Variants in ZNF532 observed in about 807,000 individuals in gnomAD.
ZNF532 encodes zinc finger protein 532.
Under a neutral mutation model 89.3 loss-of-function variants are expected in ZNF532, and 22 were observed. The observed-to-expected ratio is 0.25, with a 90% CI of 0.18 to 0.35. The LOEUF (loss-of-function observed/expected upper bound fraction) is 0.35. Ranked by LOEUF, ZNF532 falls within the 10% of genes least tolerant of loss-of-function variation. The pLI, the probability that ZNF532 is intolerant of heterozygous loss-of-function variation, is 1.00. For missense variants in ZNF532, 1,132 were observed against 1,643.4 expected, an observed-to-expected ratio of 0.69 and a Z score of 5.38; for synonymous variants, 606 against 649.6, an observed-to-expected ratio of 0.93 and a Z score of 1.02.
chr18:58,977,952 GC>G (rs1487704345), intron 7 of ZNF532, among the ~76,000 whole-genome samples: 1 of 152,164 alleles, frequency 6.6e-6, no homozygotes, highest in Non-Finnish European at 1.5e-5. Context: ...TGAGTTTAGA[GC>G]CAGATTTTGT....
intron 5 of ZNF532, among the ~76,000 whole-genome samples, chr18:58,944,551 T>C (rs1380679032): frequency 6.6e-6 from 1 of 152,138 alleles, no homozygotes; most frequent in East Asian, 1.9e-4. Context: ...GTTCTCACTG[T>C]TTCCTAGCAC....
In ZNF532 at chr18:58,986,301, C is replaced by G. The variant is rs1227233525; in HGVS notation, c.*1835C>G. 6.6e-6 allele frequency: 1 copy of G among 152,628 alleles called. No individual in the cohort carries two copies. Among genetic ancestry groups the G allele is most frequent in the Non-Finnish European group, 1.5e-5 (1 of 68,044 alleles). 9.5% of individuals were successfully genotyped at this position (152,628 alleles called of 1,614,324 possible). A position where few individuals can be genotyped will look rare whatever the true frequency, so the allele number is the denominator to read the frequency against. On this transcript the variant is annotated 3_prime_UTR_variant, in exon 10 of 10. Transcript: ENST00000591808. ...CATAGGTCCGAATAACCTAGTTTTA[C>G]AGTTGAGGGAGCTGAGCTCAGATTC...
intron 2 of ZNF532, among the ~76,000 whole-genome samples, chr18:58,917,606 C>T (rs991405794): frequency 6.6e-6 from 1 of 152,134 alleles, no homozygotes; most frequent in Non-Finnish European, 1.5e-5. Flanking sequence ...TTTTCTAAAA[C>T]TCTCCATCCT....
intron 3 of ZNF532, among the ~76,000 whole-genome samples, chr18:58,921,641 G>A (rs548744963): frequency 4.9e-4 from 75 of 152,198 alleles, no homozygotes; most frequent in Non-Finnish European, 1.0e-3. Context: ...ATTTCACAGT[G>A]GGCATCAATC....
At chr18:58,883,801 A>G (rs1178010411) in intron 2 of ZNF532, among the ~76,000 whole-genome samples, 2 of 152,272 alleles carry the variant, frequency 1.3e-5, no homozygotes, top group Admixed American at 1.3e-4. Context: ...AGAACAACCA[A>G]AATGTCTCTG....
rs2068394175 is a variant in ZNF532, at chr18:58,986,434, A to G, written c.*1968A>G. On this transcript the variant is annotated 3_prime_UTR_variant, in exon 10 of 10. Transcript: ENST00000591808. Reference sequence around the variant, plus strand: ...GCTCTATGTGGTTATGTACATATTGACAAATATTCATTTATTCAACAAATA... The same window carrying G: ...GCTCTATGTGGTTATGTACATATTGGCAAATATTCATTTATTCAACAAATA... 6.5e-6 allele frequency: 1 copy of G among 152,694 alleles called. No individual in the cohort carries two copies. The highest frequency in any genetic ancestry group is 1.5e-5 in the Non-Finnish European group (1 of 68,050). 9.5% of individuals were successfully genotyped at this position (152,694 alleles called of 1,614,324 possible). A position where few individuals can be genotyped will look rare whatever the true frequency, so the allele number is the denominator to read the frequency against.
At position 58,901,206 on chromosome 18, in the gene ZNF532, C is replaced by T. The variant is rs900522986; in HGVS notation, c.-17-17065C>T. Among the ~76,000 whole-genome samples the T allele has an allele frequency of 3.3e-5, 5 of 152,136 alleles. 1 individual carries two copies. The highest frequency in any genetic ancestry group is 6.5e-5 in the Admixed American group (1 of 15,278). On this transcript the variant is annotated intron_variant, in intron 2 of 9. Coordinates refer to ENST00000591808, the MANE Select transcript of ZNF532 (RefSeq NM_001375912.1). ...TGAACTTCTCTTTTCTGGAGCTGGG[C>T]GTTGTGAAGCCCACATCAGTGGCCT...
At chr18:58,916,995 C>G (rs2060647263) in intron 2 of ZNF532, among the ~76,000 whole-genome samples, 1 of 152,202 alleles carries the variant, frequency 6.6e-6, no homozygotes, top group Non-Finnish European at 1.5e-5. Flanking sequence ...AGGGCAGAGT[C>G]TGTCTAGGAA....
intron 7 of ZNF532, 63 bp from the exon 8 acceptor site, chr18:58,978,992 T>G (rs2067383070): frequency 7.7e-7 from 1 of 1,306,202 alleles, no homozygotes; most frequent in Non-Finnish European, 1.1e-6. Context: ...TACAAAAGAG[T>G]TCTTAATTGT....
intron 5 of ZNF532, among the ~76,000 whole-genome samples, chr18:58,944,372 T>C (rs2063476565): frequency 6.6e-6 from 1 of 151,998 alleles, no homozygotes; most frequent in South Asian, 2.1e-4. Context: ...CTCTCTTCCT[T>C]CTTCTCCTTC....
chr18:58,888,786 A>ATTTT, intron 2 of ZNF532, among the ~76,000 whole-genome samples: 1 of 6,208 alleles, frequency 1.6e-4, no homozygotes, highest in South Asian at 7.1e-3. Flanking sequence ...TATATATATA[A>ATTTT]AATATATATA....
chr18:58,875,931 C>CTTTTTTT (rs71173091), intron 2 of ZNF532, among the ~76,000 whole-genome samples: 3 of 112,862 alleles, frequency 2.7e-5, no homozygotes, highest in African/African-American at 3.5e-5. Context: ...ACTTGGGGAT[C>CTTTTTTT]TTTTTTTTTT....
intron 7 of ZNF532, among the ~76,000 whole-genome samples, chr18:58,963,694 A>G (rs1309380856): frequency 6.6e-6 from 1 of 151,062 alleles, no homozygotes; most frequent in Non-Finnish European, 1.5e-5. Flanking sequence ...GCAGTGGCTC[A>G]CGCCTGTAAT....
chr18:58,938,211 T>G (rs2062635398), intron 4 of ZNF532, among the ~76,000 whole-genome samples: 1 of 152,192 alleles, frequency 6.6e-6, no homozygotes, highest in South Asian at 2.1e-4. Flanking sequence ...CCTGGGTAGC[T>G]CACATCTGGG....
At chr18:58,956,704 C>G (rs1418469935) in intron 7 of ZNF532, among the ~76,000 whole-genome samples, 2 of 152,180 alleles carry the variant, frequency 1.3e-5, no homozygotes, top group African/African-American at 2.4e-5. Flanking sequence ...TCTCTGGTGA[C>G]CCCTTTGTTG....
rs1340696115 is a variant in ZNF532 at position 58,919,688 on chromosome 18, T to C, written c.1401T>C (p.Asn467=). ...AVKTAGSQVI[N]LKLANNTTVK... The stretch of plus-strand genomic sequence containing the variant: ...AGACGGCAGGATCCCAAGTCATTAA[T>C]TTGAAGCTCGCTAACAACACCACGG... The change falls in exon 3 of 10, where the codon AAT becomes AAC. Residue 467 remains asparagine (N), a synonymous_variant. Transcript: ENST00000591808. The surrounding 1 kb of genome is among the most constrained non-coding windows in gnomAD (Gnocchi z 6.1). 1.2e-6 allele frequency: 2 copies of C among 1,613,722 alleles called. No homozygotes were observed. The highest frequency in any genetic ancestry group is 1.7e-6 in the Non-Finnish European group (2 of 1,179,858).
intron 2 of ZNF532, among the ~76,000 whole-genome samples, chr18:58,889,663 C>T (rs186644191): frequency 6.4e-4 from 97 of 151,774 alleles, no homozygotes; most frequent in Non-Finnish European, 1.2e-3. Context: ...ATCCCAGCTA[C>T]TCGGGAGGCT....
chr18:58,888,785 A>G lies in ZNF532; in HGVS notation c.-18+23206A>G, dbSNP rs866635187. ...TAATATATATAATTTATATATATATAAAATATATATAATTTATATATATAA... is the reference window on the plus strand; with the variant it reads ...TAATATATATAATTTATATATATATGAAATATATATAATTTATATATATAA... On this transcript the variant is annotated intron_variant, in intron 2 of 9. Transcript: ENST00000591808. 3.9e-4 allele frequency among the ~76,000 whole-genome samples: 17 copies of G among 43,050 alleles called. 1 individual carries two copies. Among genetic ancestry groups the G allele is most frequent in the Non-Finnish European group, 6.2e-4 (17 of 27,516 alleles). 28.2% of individuals were successfully genotyped at this position (43,050 alleles called of 152,430 possible).
At position 58,919,149 on chromosome 18, in the gene ZNF532, A is replaced by C. The variant is rs748161405; in HGVS notation, c.862A>C (p.Lys288Gln). The change falls in exon 3 of 10, where the codon AAA becomes CAA. Residue 288 changes from lysine to glutamine, a missense_variant. Coordinates refer to ENST00000591808, the MANE Select transcript of ZNF532 (RefSeq NM_001375912.1). This position sits in a 1 kb window ranked among gnomAD's most constrained non-coding sequence, Gnocchi z 6.1. Reference sequence around the variant, plus strand: ...TAAAAAGGCGGCTTCAGACTCCTGCAAAGAACCAGTGGCCAATTCGAGGGA... The same window carrying C: ...TAAAAAGGCGGCTTCAGACTCCTGCCAAGAACCAGTGGCCAATTCGAGGGA... ...SAKKAASDSC[K>Q]EPVANSRESS... 1 of 1,614,250 alleles carries C rather than the reference A, an allele frequency of 6.2e-7. No individual in the cohort carries two copies. The highest frequency in any genetic ancestry group is 8.5e-7 in the Non-Finnish European group (1 of 1,180,048).
Sources: allele counts gnomAD v4.1 joint callset (sites outside exome capture counted in the v4.1 genomes callset), GRCh38; gene constraint gnomAD v4.1.1; non-coding constraint Gnocchi (gnomAD v3.1); transcripts MANE v1.5; gene names NCBI Gene and HGNC (gene_info 2026-07-23, HGNC 2026-07-21).